The following FGD4 variants were observed in gnomAD, a reference collection of about 807,000 sequenced individuals.
The protein encoded by FGD4 is FYVE, RhoGEF and PH domain-containing protein 4.
FGD4 carries 42 observed loss-of-function variants against 102.0 expected under a neutral mutation model. The ratio of observed to expected loss-of-function variants is 0.41; its 90% CI spans 0.32 to 0.53. FGD4 has a LOEUF of 0.53. FGD4 is among the 20% of genes least tolerant of loss of function. The probability of loss-of-function intolerance (pLI) is 0.21; values close to 1 mark genes in which losing one functional copy is unlikely to be tolerated. For missense variants in FGD4, 902 were observed against 1,078.2 expected (o/e 0.84, Z 2.29); for synonymous variants, 380 against 375.7 (o/e 1.01, Z -0.13).
In FGD4 at chr12:32,619,983, C is replaced by T. The variant is rs147367935; in HGVS notation, c.1922+113C>T. On this transcript the variant is annotated intron_variant, in intron 11 of 16. Transcript: ENST00000534526. The stretch of plus-strand genomic sequence containing the variant: ...AAGTGAATGCTGCATATCTCTGGAA[C>T]TCTGGTTGGATGTAAATGCAGAGCT... 5 of 1,278,978 alleles carry T rather than the reference C, an allele frequency of 3.9e-6. No homozygotes were observed. In the East Asian group the frequency reaches 1.2e-4, roughly 31 times the overall value. The allele number at this position is 1,278,978 out of a possible 1,614,324, so 79.2% of individuals were successfully genotyped here.
At chr12:32,496,708 A>C (rs1025321271) in intron 1 of FGD4, among the ~76,000 whole-genome samples, 1 of 152,188 alleles carries the variant, frequency 6.6e-6, no homozygotes, top group East Asian at 1.9e-4. Context: ...TCACTTTCAT[A>C]TATTTCAGAA....
At chr12:32,624,481 T>TC (rs746578044) in intron 12 of FGD4, 29 bp downstream of exon 12, 1 of 1,553,752 alleles carries the variant, frequency 6.4e-7, no homozygotes, top group Non-Finnish European at 8.7e-7. Context: ...TCCTTTTCTT[T>TC]CTTTTTTTTT....
intron 1 of FGD4, among the ~76,000 whole-genome samples, chr12:32,563,406 G>A (rs1356601878): frequency 1.3e-5 from 2 of 150,984 alleles, no homozygotes; most frequent in Non-Finnish European, 3.0e-5. Flanking sequence ...GACGATGGGC[G>A]GCCGGGCAGA....
intron 1 of FGD4, among the ~76,000 whole-genome samples, chr12:32,429,935 A>G (rs1292105080): frequency 1.3e-5 from 2 of 152,072 alleles, no homozygotes; most frequent in Non-Finnish European, 2.9e-5. Context: ...AGTCCTGCCA[A>G]ATTCCTATCA....
rs573125094 is a variant in FGD4 at position 32,594,120 on chromosome 12, G to A, written c.1012-4377G>A. On this transcript the variant is annotated intron_variant, in intron 4 of 16. Transcript: ENST00000534526. ...CAGAGGTCCTCAGCCCGTAGGCCAC[G>A]GACTGGTACCAGCTGGTCTGTGGCC... is the stretch of plus-strand genomic sequence containing the variant. 3.3e-4 allele frequency among the ~76,000 whole-genome samples: 50 copies of A among 152,234 alleles called. No individual in the cohort carries two copies. In the South Asian group the frequency reaches 3.5e-3, roughly 11 times the overall value.
chr12:32,640,682 A>C lies in FGD4; in HGVS notation c.*149A>C. ...GAGGACTATTTTCCTATGTTTATGT[A>C]CTCTTAGTGAAATTAGTGTGCAGAG... On this transcript the variant is annotated 3_prime_UTR_variant, in exon 17 of 17. Coordinates refer to ENST00000534526, the MANE Select transcript of FGD4 (RefSeq NM_001370298.3). 1 of 1,074,358 alleles carries C rather than the reference A, an allele frequency of 9.3e-7. No homozygotes were observed. The highest frequency in any genetic ancestry group is 1.4e-5 in the South Asian group (1 of 69,224). 66.6% of individuals were successfully genotyped at this position (1,074,358 alleles called of 1,614,324 possible). A position where few individuals can be genotyped will look rare whatever the true frequency, so the allele number is the denominator to read the frequency against.
chr12:32,485,140 C>G (rs1591990919), intron 1 of FGD4, among the ~76,000 whole-genome samples: 1 of 152,122 alleles, frequency 6.6e-6, no homozygotes, highest in Non-Finnish European at 1.5e-5. Flanking sequence ...TTTCTGGCCT[C>G]AAACATAAAA....
chr12:32,638,113 G>A (rs1362114183), intron 15 of FGD4, among the ~76,000 whole-genome samples: 1 of 152,240 alleles, frequency 6.6e-6, no homozygotes, highest in South Asian at 2.1e-4. Flanking sequence ...TGTAATCCCA[G>A]CACTTTGGGA....
chr12:32,546,632 G>T (rs749924085), intron 1 of FGD4, among the ~76,000 whole-genome samples: 5 of 152,218 alleles, frequency 3.3e-5, no homozygotes, highest in Non-Finnish European at 7.3e-5. Flanking sequence ...GTCAGGCCTA[G>T]CAGAAACTGC....
At chr12:32,436,929 C>T (rs1312243074) in intron 1 of FGD4, among the ~76,000 whole-genome samples, 1 of 151,818 alleles carries the variant, frequency 6.6e-6, no homozygotes, top group East Asian at 1.9e-4. Context: ...ACCAGCCTGG[C>T]CAACATGGTG....
chr12:32,430,180 C>T (rs1013376695), intron 1 of FGD4, among the ~76,000 whole-genome samples: 5 of 151,960 alleles, frequency 3.3e-5, no homozygotes, highest in African/African-American at 7.3e-5. Context: ...TGGTAGCAGG[C>T]ATCTGTAATT....
intron 1 of FGD4, among the ~76,000 whole-genome samples, chr12:32,433,029 C>T (rs1036744851): frequency 2.0e-5 from 3 of 151,914 alleles, no homozygotes; most frequent in Non-Finnish European, 4.4e-5. Context: ...CAAGGTCTCA[C>T]TCTGTCGCCC....
chr12:32,425,088 T>C (rs1941784202), intron 1 of FGD4, among the ~76,000 whole-genome samples: 1 of 152,258 alleles, frequency 6.6e-6, no homozygotes. Context: ...AGATCTTATT[T>C]GTCAATTTTG....
chr12:32,586,788 A>G lies in FGD4; in HGVS notation c.1011+4321A>G, dbSNP rs557898068. On this transcript the variant is annotated intron_variant, in intron 4 of 16. Transcript: ENST00000534526. ...TGAATTGGCAGATGGCACATGAACT[A>G]CAAGAGAATGGAAGGCAGAACCTAT... Among the ~76,000 whole-genome samples the G allele has an allele frequency of 1.8e-4, 28 of 152,332 alleles. 1 individual carries two copies. Among genetic ancestry groups the G allele is most frequent in the Middle Eastern group, 6.8e-3 (2 of 294 alleles).
intron 4 of FGD4, among the ~76,000 whole-genome samples, chr12:32,588,480 A>G (rs1278849978): frequency 6.6e-6 from 1 of 152,204 alleles, no homozygotes; most frequent in East Asian, 1.9e-4. Context: ...GTCATGGAGA[A>G]TCTAGGACGG....
Position 32,515,740 on chromosome 12 carries a change from C to A in FGD4, c.167-48397C>A, listed in dbSNP as rs558278708. Among the ~76,000 whole-genome samples the A allele has an allele frequency of 3.9e-5, 6 of 152,272 alleles. No homozygotes were observed. In the South Asian group the frequency reaches 1.2e-3, roughly 32 times the overall value. ...TTGAATTAATTATGAACTGCCTATA[C>A]CTCCTTTACATAAGTGATAAAAGAG... On this transcript the variant is annotated intron_variant, in intron 1 of 16. Transcript: ENST00000534526.
rs891949129 is a variant in FGD4, at chr12:32,537,057, C to T, written c.167-27080C>T. 6.6e-5 allele frequency among the ~76,000 whole-genome samples: 10 copies of T among 152,022 alleles called. 2 individuals carry two copies. In the South Asian group the frequency reaches 1.5e-3, roughly 22 times the overall value. On this transcript the variant is annotated intron_variant, in intron 1 of 16. Coordinates refer to ENST00000534526, the MANE Select transcript of FGD4 (RefSeq NM_001370298.3). The stretch of plus-strand genomic sequence containing the variant: ...CCGAGTAGCTGGGACTACAGGCACC[C>T]GCCACCATGCCCGGCTAATTTTTTG...
chr12:32,523,056 G>A (rs569221867), intron 1 of FGD4, among the ~76,000 whole-genome samples: 3 of 152,312 alleles, frequency 2.0e-5, no homozygotes, highest in Admixed American at 2.0e-4. Context: ...ACTGAAAAGG[G>A]AACTTGGTAC....
chr12:32,413,665 G>A (rs1941292906), intron 1 of FGD4, among the ~76,000 whole-genome samples: 1 of 152,172 alleles, frequency 6.6e-6, no homozygotes, highest in Non-Finnish European at 1.5e-5. Flanking sequence ...GCAGCCTGCT[G>A]ACACAATCTG....
Sources: allele counts gnomAD v4.1 joint callset (sites outside exome capture counted in the v4.1 genomes callset), GRCh38; gene constraint gnomAD v4.1.1; transcripts MANE v1.5; gene names NCBI Gene and HGNC (gene_info 2026-07-23, HGNC 2026-07-21).